The following C20orf204 variants were observed in gnomAD, a reference collection of about 807,000 sequenced individuals.
C20orf204 encodes the protein chromosome 20 open reading frame 204, also known as uncharacterized protein C20orf204.
C20orf204 carries 6 observed loss-of-function variants against 3.6 expected under a neutral mutation model. That is an observed-to-expected ratio of 1.68 (90% CI 0.92 to 3.31). C20orf204 has a LOEUF of 3.31. Among genes scored for constraint, C20orf204 ranks in the 30% most tolerant of loss-of-function variants. The pLI, the probability that C20orf204 is intolerant of heterozygous loss-of-function variation, is 0.00. For synonymous variants in C20orf204, 80 were observed against 41.4 expected, an observed-to-expected ratio of 1.93 and a Z score of -3.58; for missense variants, 167 against 89.7, an observed-to-expected ratio of 1.86 and a Z score of -3.48.
intron 1 of C20orf204, 199 bp from the exon 2 acceptor site, chr20:64,037,728 C>T: frequency 5.0e-6 from 2 of 398,440 alleles, no homozygotes; most frequent in Non-Finnish European, 8.8e-6. Context: ...AGACCTATCT[C>T]TTGTGTCTCC....
Position 64,038,895 on chromosome 20 carries a change from A to G in C20orf204, c.*136A>G. 4.1e-6 allele frequency: 3 copies of G among 734,266 alleles called. No homozygotes were observed. The highest frequency in any genetic ancestry group is 2.9e-5 in the South Asian group (2 of 69,310). 45.5% of individuals were successfully genotyped at this position (734,266 alleles called of 1,614,324 possible). ...GCAGCCCGCGCTCCCCGGAGGGCCC[A>G]GGACTTGGAGAAGGGAGCGCGCCTG... On this transcript the variant is annotated 3_prime_UTR_variant, in exon 4 of 4. Transcript: ENST00000636176.
chr20:64,038,180 G>A lies in C20orf204; in HGVS notation c.257G>A (p.Arg86Gln), dbSNP rs1264273843. The A allele has an allele frequency of 1.6e-6, 1 of 608,826 alleles. No individual in the cohort carries two copies. The allele number at this position is 608,826 out of a possible 1,614,324, so 37.7% of individuals were successfully genotyped here. The change falls in exon 2 of 4, where the codon CGG (arginine) becomes CAG (glutamine). Residue 86 changes from arginine (R) to glutamine (Q), a missense_variant. Arg to Gln is a conservative substitution (Grantham distance 43). Transcript: ENST00000636176. ...PGSSGRRGRPRASCGAQKEHS... is the reference protein window; with the variant it reads ...PGSSGRRGRPQASCGAQKEHS... ...AGCTCGGGACGGCGGGGACGGCCTC[G>A]GGCCTCCTGTGGCGCCCAGAAGGTA... is the stretch of plus-strand genomic sequence containing the variant.
At position 64,038,307 on chromosome 20, in the gene C20orf204, C is replaced by T. The variant is rs767331176; in HGVS notation, c.291C>T (p.Ile97=). The change falls in exon 3 of 4, where the codon ATC becomes ATT. Residue 97 remains isoleucine (I), a synonymous_variant. Coordinates refer to ENST00000636176, the MANE Select transcript of C20orf204 (RefSeq NM_001387010.1). ...CCTTCCCTCCCCAGGAGCACAGTAT[C>T]CTCCTGTCCATCTCGTCCCTGGGTC... is the stretch of plus-strand genomic sequence containing the variant. ...ASCGAQKEHS[I]LLSISSLGRT... is the part of the protein sequence containing the mutation. The T allele has an allele frequency of 1.0e-5, 7 of 683,430 alleles. No homozygotes were observed. Among genetic ancestry groups the T allele is most frequent in the African/African-American group, 1.8e-5 (1 of 54,502 alleles). 42.3% of individuals were successfully genotyped at this position (683,430 alleles called of 1,614,324 possible). A position where few individuals can be genotyped will look rare whatever the true frequency, so the allele number is the denominator to read the frequency against.
intron 1 of C20orf204, chr20:64,037,323 C>A (rs1018549284): frequency 1.3e-5 from 2 of 152,306 alleles, no homozygotes; most frequent in Non-Finnish European, 2.9e-5. Context: ...GCCCCTGCCC[C>A]AGTTGGGTTG....
At chr20:64,037,759 G>A (rs1433400061) in intron 1 of C20orf204, 168 bp from the exon 2 acceptor site, 2 of 401,170 alleles carry the variant, frequency 5.0e-6, no homozygotes, top group East Asian at 3.6e-5. Flanking sequence ...CGCCAGGCCT[G>A]TGCCTACAGC....
upstream of C20orf204, chr20:64,034,210 T>C (rs55729269): frequency 0.12 from 17,923 of 152,500 alleles, 1,309 homozygotes; most frequent in Non-Finnish European, 0.17. Flanking sequence ...CCGGCCTGTC[T>C]TGTGGTACCG....
chr20:64,037,899 C>G (rs1601539901), intron 1 of C20orf204, 28 bp from the exon 2 acceptor site: 1 of 427,202 alleles, frequency 2.3e-6, no homozygotes. Context: ...ACCCCCCAGG[C>G]CTAACCCCAA....
chr20:64,034,646 C>T (rs1317507723), upstream of C20orf204: 6 of 152,392 alleles, frequency 3.9e-5, no homozygotes, highest in East Asian at 1.9e-4. Context: ...CATGGAGAGA[C>T]GGAAGCATGA....
upstream of C20orf204, chr20:64,035,072 C>T (rs573550322): frequency 2.6e-5 from 4 of 152,374 alleles, no homozygotes; most frequent in South Asian, 8.3e-4. Context: ...GTGAGTGTCT[C>T]CTCTTTCTTG....
At position 64,038,321 on chromosome 20, in the gene C20orf204, C is replaced by A. The variant is rs1162567334; in HGVS notation, c.305C>A (p.Ser102Ter). The change falls in exon 3 of 4, where the codon TCG becomes TAG. Residue 102 changes from serine (S) to a stop codon, truncating the protein, a stop_gained. Coordinates refer to ENST00000636176, the MANE Select transcript of C20orf204 (RefSeq NM_001387010.1). LOFTEE classifies it high-confidence loss of function. The stretch of plus-strand genomic sequence containing the variant: ...GAGCACAGTATCCTCCTGTCCATCT[C>A]GTCCCTGGGTCGGACCCTGCGCGGG... ...QKEHSILLSISSLGRTLRGAV... is the reference protein window; with the variant it reads ...QKEHSILLSI The A allele has an allele frequency of 4.0e-6, 3 of 759,232 alleles. No individual in the cohort carries two copies. The highest frequency in any genetic ancestry group is 7.3e-6 in the Non-Finnish European group (3 of 409,144). The allele number at this position is 759,232 out of a possible 1,614,324, so 47.0% of individuals were successfully genotyped here. A position where few individuals can be genotyped will look rare whatever the true frequency, so the allele number is the denominator to read the frequency against.
intron 1 of C20orf204, chr20:64,036,954 C>T (rs1569229247): frequency 6.6e-6 from 1 of 152,322 alleles, no homozygotes; most frequent in Non-Finnish European, 1.5e-5. Context: ...GTCGAGTCCT[C>T]TTATCTTGGT....
chr20:64,038,880 C>T lies in C20orf204; in HGVS notation c.*121C>T, dbSNP rs1328925400. ...GGCCCCTCGCTCGACGCAGCCCGCG[C>T]TCCCCGGAGGGCCCAGGACTTGGAG... On this transcript the variant is annotated 3_prime_UTR_variant, in exon 4 of 4. Coordinates refer to ENST00000636176, the MANE Select transcript of C20orf204 (RefSeq NM_001387010.1). 3 of 732,866 alleles carry T rather than the reference C, an allele frequency of 4.1e-6. No individual in the cohort carries two copies. Among genetic ancestry groups the T allele is most frequent in the African/African-American group, 1.8e-5 (1 of 55,846 alleles). The allele number at this position is 732,866 out of a possible 1,614,324, so 45.4% of individuals were successfully genotyped here.
chr20:64,035,865 A>G (rs1165101295), upstream of C20orf204: 1 of 152,398 alleles, frequency 6.6e-6, no homozygotes, highest in East Asian at 1.9e-4. Context: ...CTTGCTGGCC[A>G]CAGAGTCGGC....
chr20:64,037,774 C>T (rs2059343070), intron 1 of C20orf204, 153 bp from the exon 2 acceptor site: 3 of 402,160 alleles, frequency 7.5e-6, no homozygotes, highest in Non-Finnish European at 1.3e-5. Flanking sequence ...TACAGCCTTT[C>T]TTGATTGGTG....
rs746443908 is a variant in C20orf204 at position 64,038,926 on chromosome 20, C to T, written c.*167C>T. ...TGGAGAAGGGAGCGCGCCTGGCCGCCGCTGGGTCACGGAGGAGGCCCGCCC... is the reference window on the plus strand; with the variant it reads ...TGGAGAAGGGAGCGCGCCTGGCCGCTGCTGGGTCACGGAGGAGGCCCGCCC... On this transcript the variant is annotated 3_prime_UTR_variant, in exon 4 of 4. Coordinates refer to ENST00000636176, the MANE Select transcript of C20orf204 (RefSeq NM_001387010.1). 3.3e-5 allele frequency: 24 copies of T among 725,748 alleles called. No individual in the cohort carries two copies. The highest frequency in any genetic ancestry group is 4.7e-4 in the Middle Eastern group (2 of 4,292). The allele number at this position is 725,748 out of a possible 1,614,324, so 45.0% of individuals were successfully genotyped here. A position where few individuals can be genotyped will look rare whatever the true frequency, so the allele number is the denominator to read the frequency against.
chr20:64,036,118 C>T (rs2059336912), upstream of C20orf204: 1 of 152,354 alleles, frequency 6.6e-6, no homozygotes, highest in Admixed American at 6.5e-5. Flanking sequence ...TTCCTTCCCT[C>T]TCCTGCTCCC....
chr20:64,038,825 G>A lies in C20orf204; in HGVS notation c.*66G>A, dbSNP rs776578395. On this transcript the variant is annotated 3_prime_UTR_variant, in exon 4 of 4. Transcript: ENST00000636176. ...GGGCCGCGGCAGAGCCTGGAGACGC[G>A]CCTCGTTCTGTAGACTTGTTGGTGA... The A allele has an allele frequency of 6.1e-5, 43 of 706,832 alleles. No individual in the cohort carries two copies. Among genetic ancestry groups the A allele is most frequent in the East Asian group, 3.9e-4 (14 of 35,514 alleles). 43.8% of individuals were successfully genotyped at this position (706,832 alleles called of 1,614,324 possible).
At chr20:64,037,821 TG>T in intron 1 of C20orf204, 105 bp from the exon 2 acceptor site, 1 of 403,706 alleles carries the variant, frequency 2.5e-6, no homozygotes, top group East Asian at 3.6e-5. Context: ...TCCCGTGGGG[TG>T]GGGCAGGGGG....
chr20:64,036,981 A>C (rs1228341585), intron 1 of C20orf204: 2 of 152,250 alleles, frequency 1.3e-5, no homozygotes. Context: ...CGCATGATTA[A>C]TTTCCAGCCC....
Sources: allele counts gnomAD v4.1 joint callset, GRCh38; gene constraint gnomAD v4.1.1; transcripts MANE v1.5; gene names NCBI Gene and HGNC (gene_info 2026-07-23, HGNC 2026-07-21).